Variants in DHX57 observed in about 807,000 individuals in gnomAD.
DHX57 encodes putative ATP-dependent RNA helicase DHX57.
DHX57 carries 105 observed loss-of-function variants against 156.2 expected under a neutral mutation model. The ratio of observed to expected loss-of-function variants is 0.67; its 90% CI spans 0.57 to 0.79. The LOEUF is 0.79. Ranked by LOEUF, DHX57 falls within the 30% of genes least tolerant of loss-of-function variation. The probability of loss-of-function intolerance (pLI) is 0.00; values close to 1 mark genes in which losing one functional copy is unlikely to be tolerated. For synonymous variants in DHX57, 704 were observed against 595.6 expected, an observed-to-expected ratio of 1.18 and a Z score of -2.65; for missense variants, 1,847 against 1,661.9, an observed-to-expected ratio of 1.11 and a Z score of -1.94.
rs372022899 is a variant in DHX57 at position 38,856,377 on chromosome 2, G to T, written c.1672C>A (p.Arg558Ser). 9.3e-6 allele frequency: 15 copies of T among 1,613,608 alleles called. No homozygotes were observed. The highest frequency in any genetic ancestry group is 1.3e-5 in the Non-Finnish European group (15 of 1,179,972). ...CTTATGACAACCACCTGGTGCTTACGCAATAAGTTAAGAATGGTTTCTCTT... is the reference window on the plus strand; with the variant it reads ...CTTATGACAACCACCTGGTGCTTACTCAATAAGTTAAGAATGGTTTCTCTT... ...EERETILNLL[R>S]KHQVVVISGM... Residue 558 changes from arginine to serine, a missense_variant, in exon 7 of 24, where the codon CGT (arginine) becomes AGT (serine). Coordinates refer to ENST00000457308, the MANE Select transcript of DHX57 (RefSeq NM_198963.3).
chr2:38,857,411 A>G (rs1412711961), intron 6 of DHX57, among the ~76,000 whole-genome samples: 1 of 152,220 alleles, frequency 6.6e-6, no homozygotes, highest in Non-Finnish European at 1.5e-5. Context: ...ACTTTTGAAT[A>G]CTGTAATAAA....
intron 9 of DHX57, chr2:38,853,822 T>G: frequency 3.0e-6 from 1 of 334,110 alleles, no homozygotes; most frequent in South Asian, 4.5e-5. Flanking sequence ...GAAGTATACC[T>G]TCTAACCTAA....
In DHX57 at chr2:38,854,171, GC is replaced by G; in HGVS notation, c.1912del (p.Ala638ProfsTer13). The G allele has an allele frequency of 6.2e-7, 1 of 1,613,630 alleles. No individual in the cohort carries two copies. Among genetic ancestry groups the G allele is most frequent in the Non-Finnish European group, 8.5e-7 (1 of 1,179,756 alleles). On this transcript the variant is annotated frameshift_variant, in exon 9 of 24. Coordinates refer to ENST00000457308, the MANE Select transcript of DHX57 (RefSeq NM_198963.3). LOFTEE classifies it high-confidence loss of function. ...QIRLESVKSS[A>X]TRLLYCTTGV... Reference sequence around the variant, plus strand: ...CGTGGTGCAGTATAACAGTCTGGTGGCTGAGGACTTACACATGAAAGGGCAA... The same window carrying G: ...CGTGGTGCAGTATAACAGTCTGGTGGTGAGGACTTACACATGAAAGGGCAA...
chr2:38,837,611 C>CAAAAA lies in DHX57; in HGVS notation c.2542+215_2542+219dup, dbSNP rs55733950. 3.0e-4 allele frequency among the ~76,000 whole-genome samples: 15 copies of CAAAAA among 50,352 alleles called. 1 individual carries two copies. Among genetic ancestry groups the CAAAAA allele is most frequent in the Non-Finnish European group, 3.9e-4 (10 of 25,808 alleles). The allele number at this position is 50,352 out of a possible 152,430, so 33.0% of individuals were successfully genotyped here. ...GGGCAACAAGAGCAAAACCCCGTCTCAAAAAAAAAAAAAGATAAAGACTTT... is the reference window on the plus strand; with the variant it reads ...GGGCAACAAGAGCAAAACCCCGTCTCAAAAAAAAAAAAAAAAAAGATAAAGACTTT... On this transcript the variant is annotated intron_variant, in intron 13 of 23. Coordinates refer to ENST00000457308, the MANE Select transcript of DHX57 (RefSeq NM_198963.3).
At position 38,814,571 on chromosome 2, in the gene DHX57, T is replaced by A. The variant is rs138074038; in HGVS notation, c.3607-676A>T. On this transcript the variant is annotated intron_variant, in intron 20 of 23. Transcript: ENST00000457308. The stretch of plus-strand genomic sequence containing the variant: ...CAGGTTCATCTTACAGAAGTGCTCT[T>A]CCTATAGTTATAGAAAAAGCTGTCT... 2.0e-3 allele frequency among the ~76,000 whole-genome samples: 312 copies of A among 152,346 alleles called. 2 individuals carry two copies. Among genetic ancestry groups the A allele is most frequent in the Middle Eastern group, 0.02 (6 of 294 alleles).
Position 38,856,360 on chromosome 2 carries a change from A to C in DHX57, c.1689T>G (p.Val563=). The C allele has an allele frequency of 6.2e-7, 1 of 1,611,452 alleles. No individual in the cohort carries two copies. The highest frequency in any genetic ancestry group is 8.5e-7 in the Non-Finnish European group (1 of 1,179,376). Residue 563 remains valine (V), a synonymous_variant, in exon 7 of 24, where the codon GTT becomes GTG. Coordinates refer to ENST00000457308, the MANE Select transcript of DHX57 (RefSeq NM_198963.3). ...CTTACCCAGTCATACCACTTATGAC[A>C]ACCACCTGGTGCTTACGCAATAAGT... ...ILNLLRKHQV[V]VISGMTGCGK...
intron 12 of DHX57, among the ~76,000 whole-genome samples, chr2:38,838,480 C>A (rs1191963038): frequency 6.6e-6 from 1 of 152,154 alleles, no homozygotes; most frequent in Non-Finnish European, 1.5e-5. Context: ...AGGCTCCTGC[C>A]CCTGTTGGAA....
intron 6 of DHX57, among the ~76,000 whole-genome samples, chr2:38,858,235 T>G (rs1276613441): frequency 6.6e-6 from 1 of 152,192 alleles, no homozygotes; most frequent in Non-Finnish European, 1.5e-5. Flanking sequence ...CTAATTTTTG[T>G]ATTTTTAGTA....
At chr2:38,841,630 C>T (rs1672008365) in intron 12 of DHX57, among the ~76,000 whole-genome samples, 1 of 152,172 alleles carries the variant, frequency 6.6e-6, no homozygotes, top group South Asian at 2.1e-4. Context: ...GGGTTGGAAG[C>T]TCTTACTCAT....
intron 21 of DHX57, among the ~76,000 whole-genome samples, chr2:38,807,055 T>G (rs908703401): frequency 6.7e-6 from 1 of 150,270 alleles, no homozygotes; most frequent in Non-Finnish European, 1.5e-5. Flanking sequence ...ACATTTCTTG[T>G]TTTGTTTTGT....
At chr2:38,815,711 T>G (rs1572632373) in intron 19 of DHX57, 56 bp from the exon 20 acceptor site, 1 of 1,607,182 alleles carries the variant, frequency 6.2e-7, no homozygotes, top group East Asian at 2.2e-5. Context: ...AAGTGTTAAG[T>G]CTTACAAAAA....
At chr2:38,800,314 A>T (rs1460767360) in intron 23 of DHX57, among the ~76,000 whole-genome samples, 1 of 151,876 alleles carries the variant, frequency 6.6e-6, no homozygotes, top group East Asian at 1.9e-4. Flanking sequence ...AGATTGCGCC[A>T]CTGCACTCCA....
intron 13 of DHX57, among the ~76,000 whole-genome samples, chr2:38,837,472 G>A (rs1440120114): frequency 1.3e-5 from 2 of 151,752 alleles, no homozygotes; most frequent in African/African-American, 4.8e-5. Flanking sequence ...TTAGCCAGGT[G>A]TGGTGGCACA....
intron 21 of DHX57, chr2:38,810,384 T>C: frequency 4.0e-6 from 2 of 495,852 alleles, no homozygotes; most frequent in Non-Finnish European, 8.0e-6. Context: ...GTGCCTGTAC[T>C]TGGGGAATCT....
At position 38,868,325 on chromosome 2, in the gene DHX57, C is replaced by T. The variant is rs1665186659; in HGVS notation, c.81G>A (p.Arg27=). 6.2e-7 allele frequency: 1 copy of T among 1,612,974 alleles called. No homozygotes were observed. The highest frequency in any genetic ancestry group is 8.5e-7 in the Non-Finnish European group (1 of 1,179,532). The change falls in exon 2 of 24, where the codon AGG becomes AGA. Residue 27 remains arginine, a synonymous_variant. Transcript: ENST00000457308. ...KGSSRGGRGG[R]SHASKSHGSG... ...TCCCATGAGATTTACTGGCGTGACT[C>T]CTGCCTCCTCTTCCTCCTCTAGAAG...
chr2:38,823,346 G>T, intron 16 of DHX57, 77 bp from the exon 17 acceptor site: 1 of 1,363,816 alleles, frequency 7.3e-7, no homozygotes, highest in Non-Finnish European at 9.9e-7. Flanking sequence ...TCTTTTGTGA[G>T]TGATAATAAT....
At chr2:38,868,640 A>T (rs1665202724) in intron 1 of DHX57, among the ~76,000 whole-genome samples, 1 of 152,186 alleles carries the variant, frequency 6.6e-6, no homozygotes, top group East Asian at 1.9e-4. Context: ...AATCTTCACA[A>T]AAGATTTATA....
At chr2:38,806,717 A>C in intron 21 of DHX57, 24 bp from the exon 22 acceptor site, 1 of 1,605,982 alleles carries the variant, frequency 6.2e-7, no homozygotes, top group Non-Finnish European at 8.5e-7. Context: ...ATTTGTAAAA[A>C]TAGACATATA....
At chr2:38,855,857 G>A (rs181872375) in intron 7 of DHX57, among the ~76,000 whole-genome samples, 25 of 152,328 alleles carry the variant, frequency 1.6e-4, no homozygotes, top group Middle Eastern at 3.4e-3. Flanking sequence ...AGCACTTTGG[G>A]AGACCGAGGC....
Sources: gnomAD v4.1 joint callset for allele counts (sites outside exome capture counted in the v4.1 genomes callset) on GRCh38, gnomAD v4.1.1 for gene constraint, MANE v1.5 for transcripts, NCBI Gene and HGNC (gene_info 2026-07-23, HGNC 2026-07-21) for gene names.